The following SMIM36 variants were observed in gnomAD, a reference collection of about 807,000 sequenced individuals.
The protein encoded by SMIM36 is small integral membrane protein 36.
At chr17:55,492,252 T>TC in intron 1 of SMIM36, among the ~76,000 whole-genome samples, 1 of 145,264 alleles carries the variant, frequency 6.9e-6, no homozygotes, top group East Asian at 1.9e-4. Flanking sequence ...CTTTTTTTTT[T>TC]TTTTTTTTTG....
chr17:55,485,647 C>T (rs1025830830), intron 1 of SMIM36, among the ~76,000 whole-genome samples: 2 of 152,178 alleles, frequency 1.3e-5, no homozygotes, highest in African/African-American at 2.4e-5. Flanking sequence ...AAGAACACAA[C>T]TATTTGCCTA....
rs138360281 is a variant in SMIM36, at chr17:55,492,296, G to A, written c.*175-12716C>T. On this transcript the variant is annotated intron_variant, in intron 1 of 4. Transcript: ENST00000636752. ...TCTTATTCTGTCACCAGGCTGGATT[G>A]CAATGGCGCGACCTTGGCTCACTGC... is the stretch of plus-strand genomic sequence containing the variant. Among the ~76,000 whole-genome samples the A allele has an allele frequency of 3.0e-3, 339 of 112,554 alleles. 1 individual carries two copies. The highest frequency in any genetic ancestry group is 0.011 in the African/African-American group (324 of 29,276). The allele number at this position is 112,554 out of a possible 152,430, so 73.8% of individuals were successfully genotyped here. A position where few individuals can be genotyped will look rare whatever the true frequency, so the allele number is the denominator to read the frequency against.
chr17:55,527,406 A>G, the SMIM36 span, among the ~76,000 whole-genome samples: 5,361 of 152,238 alleles, frequency 0.035, 270 homozygotes, highest in African/African-American at 0.12. Context: ...TAGAAGTCAG[A>G]GTACATCAGA....
the SMIM36 span, among the ~76,000 whole-genome samples, chr17:55,526,652 T>C: frequency 1.3e-5 from 2 of 152,198 alleles, no homozygotes; most frequent in African/African-American, 2.4e-5. Context: ...GATCAGGAAA[T>C]GGACAATAAT....
chr17:55,498,330 T>A (rs566363983), intron 1 of SMIM36, among the ~76,000 whole-genome samples: 180 of 152,222 alleles, frequency 1.2e-3, no homozygotes, highest in African/African-American at 4.3e-3. Context: ...ATTCAACCCA[T>A]AACAGACACT....
chr17:55,458,012 C>T (rs937396338), intron 4 of SMIM36, among the ~76,000 whole-genome samples: 2 of 152,070 alleles, frequency 1.3e-5, no homozygotes, highest in African/African-American at 2.4e-5. Context: ...ATGTGCTCTC[C>T]GCTTTTAGAG....
At chr17:55,493,306 A>G (rs1443582568) in intron 1 of SMIM36, among the ~76,000 whole-genome samples, 1 of 152,224 alleles carries the variant, frequency 6.6e-6, no homozygotes, top group Non-Finnish European at 1.5e-5. Context: ...GTAGCTGAGT[A>G]AGTGAAGCTA....
At chr17:55,464,065 A>C (rs1332903363) in intron 4 of SMIM36, among the ~76,000 whole-genome samples, 1 of 151,792 alleles carries the variant, frequency 6.6e-6, no homozygotes, top group Non-Finnish European at 1.5e-5. Context: ...CAGTGATCTG[A>C]GATCACGCCA....
chr17:55,452,486 A>G (rs1367962593), intron 4 of SMIM36, among the ~76,000 whole-genome samples: 1 of 152,210 alleles, frequency 6.6e-6, no homozygotes, highest in Non-Finnish European at 1.5e-5. Flanking sequence ...CATGGATTTC[A>G]AATTCTGTCT....
chr17:55,450,291 C>T (rs1354105766), exon 5 of SMIM36: 3 of 152,128 alleles, frequency 2.0e-5, no homozygotes, highest in Non-Finnish European at 4.4e-5. Flanking sequence ...ATTTCATACT[C>T]CTGGCTTCTA....
chr17:55,483,109 A>G (rs1909546572), intron 1 of SMIM36, among the ~76,000 whole-genome samples: 1 of 152,248 alleles, frequency 6.6e-6, no homozygotes, highest in African/African-American at 2.4e-5. Context: ...TCATTGAACT[A>G]ATGTGAGTTC....
At chr17:55,524,084 C>T in the SMIM36 span, among the ~76,000 whole-genome samples, 1 of 152,094 alleles carries the variant, frequency 6.6e-6, no homozygotes, top group Non-Finnish European at 1.5e-5. Flanking sequence ...CCACTCTCCA[C>T]CCTCAAGTAG....
At chr17:55,523,529 C>CAA in the SMIM36 span, among the ~76,000 whole-genome samples, 1,214 of 62,022 alleles carry the variant, frequency 0.02, 23 homozygotes, top group African/African-American at 0.051. Flanking sequence ...GACTCCGTCT[C>CAA]AAAAAAAAAA....
At chr17:55,523,867 A>G in the SMIM36 span, among the ~76,000 whole-genome samples, 5 of 152,292 alleles carry the variant, frequency 3.3e-5, no homozygotes, top group Admixed American at 1.3e-4. Flanking sequence ...TCAAGTTTTG[A>G]GGATAACATA....
the SMIM36 span, among the ~76,000 whole-genome samples, chr17:55,518,956 T>A: frequency 0.047 from 7,075 of 150,974 alleles, 530 homozygotes; most frequent in African/African-American, 0.16. Context: ...ACAGCTTTGG[T>A]GGTGAGAATA....
chr17:55,479,796 G>A (rs978402924), intron 1 of SMIM36, among the ~76,000 whole-genome samples: 9 of 152,152 alleles, frequency 5.9e-5, no homozygotes, highest in African/African-American at 2.2e-4. Flanking sequence ...GCCGTTGTGA[G>A]TATTGAGGTG....
At chr17:55,450,387 A>G (rs1369112621) in intron 4 of SMIM36, 89 bp from the exon 5 acceptor site, 2 of 152,246 alleles carry the variant, frequency 1.3e-5, no homozygotes, top group African/African-American at 2.4e-5. Flanking sequence ...AACTAACAGC[A>G]TATCTAATCT....
At chr17:55,529,321 T>C in the SMIM36 span, among the ~76,000 whole-genome samples, 1 of 152,194 alleles carries the variant, frequency 6.6e-6, no homozygotes, top group African/African-American at 2.4e-5. Context: ...CCATTAAAAA[T>C]ATTTCATACT....
the SMIM36 span, among the ~76,000 whole-genome samples, chr17:55,516,770 G>A: frequency 6.6e-6 from 1 of 151,972 alleles, no homozygotes; most frequent in Non-Finnish European, 1.5e-5. Context: ...ATATTGGCCA[G>A]GCTGGTCTCA....
Sources: allele counts gnomAD v4.1 joint callset (sites outside exome capture counted in the v4.1 genomes callset), GRCh38; gene constraint gnomAD v4.1.1; transcripts MANE v1.5; gene names NCBI Gene and HGNC (gene_info 2026-07-23, HGNC 2026-07-21).